The following DNM3 variants were observed in gnomAD, a reference collection of about 807,000 sequenced individuals.
The protein encoded by DNM3 is dynamin 3, also known as dynamin-3.
DNM3 carries 47 observed loss-of-function variants against 101.6 expected under a neutral mutation model. That is an observed-to-expected ratio of 0.46 (90% CI 0.37 to 0.59). The LOEUF is 0.59. Ranked by LOEUF, DNM3 falls within the 20% of genes least tolerant of loss-of-function variation. The pLI is 0.00. For missense variants in DNM3, 849 were observed against 1,085.7 expected (o/e 0.78, Z 3.06); for synonymous variants, 385 against 387.9 (o/e 0.99, Z 0.09).
At position 172,235,981 on chromosome 1, in the gene DNM3, A is replaced by T. The variant is rs184557202; in HGVS notation, c.1660-17592A>T. 1.1e-3 allele frequency among the ~76,000 whole-genome samples: 171 copies of T among 152,292 alleles called. 1 individual carries two copies. The highest frequency in any genetic ancestry group is 3.9e-3 in the African/African-American group (162 of 41,558). ...TGCACGTTGTGCACATGTACCCTAA[A>T]ACTTAAAGTATAAAAAAAAATAAGT... On this transcript the variant is annotated intron_variant, in intron 14 of 20. Transcript: ENST00000627582.
Position 172,033,198 on chromosome 1 carries a change from C to T in DNM3, c.782C>T (p.Ser261Phe). ...CTGGCAGAGAGGAAGTTTTTCCTTT[C>T]CCACCCGGCTTACAGACATATCGCT... ...AMLAERKFFL[S>F]HPAYRHIADR... Residue 261 changes from serine to phenylalanine, a missense_variant, in exon 6 of 21, where the codon TCC (serine) becomes TTC (phenylalanine). By Grantham distance (155) the Ser-to-Phe change is radical. This residue lies in a region of DNM3 where 388 missense variants were observed against 483.0 expected (regional missense o/e 0.80). Coordinates refer to ENST00000627582, the MANE Select transcript of DNM3 (RefSeq NM_015569.5). The T allele has an allele frequency of 1.2e-6, 2 of 1,609,272 alleles. No homozygotes were observed. The highest frequency in any genetic ancestry group is 1.7e-6 in the Non-Finnish European group (2 of 1,177,788).
chr1:172,166,348 A>T (rs2058743123), intron 14 of DNM3, among the ~76,000 whole-genome samples: 1 of 152,090 alleles, frequency 6.6e-6, no homozygotes, highest in African/African-American at 2.4e-5. Flanking sequence ...CTCCTCTTCC[A>T]ATTAATGTAT....
At chr1:171,949,581 A>AT (rs780102550) in intron 2 of DNM3, among the ~76,000 whole-genome samples, 2,579 of 144,002 alleles carry the variant, frequency 0.018, 52 homozygotes, top group African/African-American at 0.042. Flanking sequence ...GGCTAATGAA[A>AT]TTTTTTTTTT....
intron 15 of DNM3, among the ~76,000 whole-genome samples, chr1:172,278,918 C>G (rs9425269): frequency 0.061 from 9,270 of 152,172 alleles, 354 homozygotes; most frequent in African/African-American, 0.099. Flanking sequence ...AGATCAGTCT[C>G]CCCATGCTTA....
At chr1:171,904,973 C>T (rs940397743) in intron 1 of DNM3, among the ~76,000 whole-genome samples, 1 of 152,186 alleles carries the variant, frequency 6.6e-6, no homozygotes, top group African/African-American at 2.4e-5. Flanking sequence ...TTCATTGCAT[C>T]ATCTTTGAGG....
At chr1:171,942,017 C>A (rs148062092) in intron 2 of DNM3, among the ~76,000 whole-genome samples, 1 of 151,914 alleles carries the variant, frequency 6.6e-6, no homozygotes, top group South Asian at 2.1e-4. Flanking sequence ...TTTGCATTTT[C>A]GGTTATAAAA....
chr1:171,897,495 A>C (rs1401293220), intron 1 of DNM3, among the ~76,000 whole-genome samples: 3 of 152,224 alleles, frequency 2.0e-5, no homozygotes, highest in African/African-American at 7.2e-5. Flanking sequence ...AACAGATGTC[A>C]GGGATTTGAC....
chr1:171,862,667 TA>T (rs977803536), intron 1 of DNM3, among the ~76,000 whole-genome samples: 2 of 152,178 alleles, frequency 1.3e-5, no homozygotes, highest in Admixed American at 1.3e-4. Context: ...TGGTGTTTTA[TA>T]ATATCATGAA....
At chr1:172,068,723 T>C (rs1031685353) in intron 10 of DNM3, 96 bp from the exon 11 acceptor site, 15 of 1,108,990 alleles carry the variant, frequency 1.4e-5, no homozygotes, top group African/African-American at 1.3e-4. Flanking sequence ...AGAATGGCAA[T>C]GAATATCTTC....
chr1:172,306,512 G>T (rs2064822868), intron 15 of DNM3, among the ~76,000 whole-genome samples: 1 of 152,006 alleles, frequency 6.6e-6, no homozygotes, highest in Non-Finnish European at 1.5e-5. Context: ...TTTCTTCACA[G>T]AATTGGAAAA....
chr1:172,103,247 AAT>A (rs1324372101), intron 13 of DNM3, among the ~76,000 whole-genome samples: 3 of 152,296 alleles, frequency 2.0e-5, no homozygotes, highest in Non-Finnish European at 4.4e-5. Flanking sequence ...AAAAAATAAA[AAT>A]AGACAAATAT....
intron 13 of DNM3, among the ~76,000 whole-genome samples, chr1:172,120,227 A>C (rs923201649): frequency 6.6e-6 from 1 of 152,180 alleles, no homozygotes; most frequent in Admixed American, 6.5e-5. Flanking sequence ...ATGAGGTTCA[A>C]AGTCACATGG....
rs778354610 is a variant in DNM3 at position 172,253,568 on chromosome 1, A to T, written c.1660-5A>T. 1 of 1,545,448 alleles carries T rather than the reference A, an allele frequency of 6.5e-7. No individual in the cohort carries two copies. Among genetic ancestry groups the T allele is most frequent in the Admixed American group, 2.0e-5 (1 of 50,720 alleles). On this transcript the variant is annotated splice_polypyrimidine_tract_variant and splice_region_variant and intron_variant, in intron 14 of 20. Transcript: ENST00000627582. Reference sequence around the variant, plus strand: ...TCCCTCTTTTCTTTCTCTCTCTTATAATAGGAAAAAGAAAAGAAGTACATG... The same window carrying T: ...TCCCTCTTTTCTTTCTCTCTCTTATTATAGGAAAAAGAAAAGAAGTACATG...
intron 14 of DNM3, among the ~76,000 whole-genome samples, chr1:172,135,320 G>T (rs975496606): frequency 1.3e-5 from 2 of 151,846 alleles, no homozygotes; most frequent in Non-Finnish European, 2.9e-5. Flanking sequence ...ATTGAATGAA[G>T]GTGTCATTGA....
chr1:171,965,574 C>T (rs572405105), intron 2 of DNM3, among the ~76,000 whole-genome samples: 131 of 149,796 alleles, frequency 8.7e-4, no homozygotes, highest in African/African-American at 2.7e-3. Context: ...AGGGTTGTTG[C>T]GGGGGATGGA....
At chr1:172,367,872 T>A (rs1390184604) in intron 17 of DNM3, among the ~76,000 whole-genome samples, 1 of 151,890 alleles carries the variant, frequency 6.6e-6, no homozygotes, top group Non-Finnish European at 1.5e-5. Flanking sequence ...GGGAGGGACC[T>A]GGTAGAATGT....
At chr1:172,200,723 T>C (rs2060122668) in intron 14 of DNM3, among the ~76,000 whole-genome samples, 1 of 152,174 alleles carries the variant, frequency 6.6e-6, no homozygotes, top group South Asian at 2.1e-4. Context: ...TGCATTCTTG[T>C]ATTGTGTTAC....
At chr1:172,036,994 C>G (rs889793859) in intron 6 of DNM3, among the ~76,000 whole-genome samples, 3 of 152,160 alleles carry the variant, frequency 2.0e-5, no homozygotes, top group Admixed American at 6.5e-5. Flanking sequence ...CATGAACAGA[C>G]ACTTCTCAAA....
chr1:172,134,702 G>T (rs549391667), intron 14 of DNM3, among the ~76,000 whole-genome samples: 1 of 152,234 alleles, frequency 6.6e-6, no homozygotes, highest in Non-Finnish European at 1.5e-5. Flanking sequence ...GGAAAACCTA[G>T]CAGATGCTGA....
Sources: gnomAD v4.1 joint callset for allele counts (sites outside exome capture counted in the v4.1 genomes callset) on GRCh38, gnomAD v4.1.1 for gene constraint, gnomAD v4.1.1 regional missense constraint, MANE v1.5 for transcripts, NCBI Gene and HGNC (gene_info 2026-07-23, HGNC 2026-07-21) for gene names.